EPB41L1: variants seen among roughly 807,000 people sequenced by gnomAD.
EPB41L1 encodes the protein band 4.1-like protein 1.
Under a neutral mutation model 97.8 loss-of-function variants are expected in EPB41L1, and 29 were observed. The ratio of observed to expected loss-of-function variants is 0.30; its 90% CI spans 0.22 to 0.40. EPB41L1 has a LOEUF of 0.40. EPB41L1 is among the 10% of genes least tolerant of loss of function. The pLI is 1.00. For synonymous variants in EPB41L1, 383 were observed against 459.2 expected (o/e 0.83, Z 2.12); for missense variants, 812 against 1,162.3 (o/e 0.70, Z 4.38).
intron 17 of EPB41L1, among the ~76,000 whole-genome samples, chr20:36,215,861 T>C (rs1601032329): frequency 1.3e-5 from 2 of 152,330 alleles, no homozygotes; most frequent in East Asian, 3.9e-4. Flanking sequence ...GCTGTGACCC[T>C]GTATTTAGGT....
intron 2 of EPB41L1, among the ~76,000 whole-genome samples, chr20:36,116,374 C>T (rs2058584694): frequency 6.6e-6 from 1 of 152,154 alleles, no homozygotes; most frequent in South Asian, 2.1e-4. Flanking sequence ...TCAGGCCCCA[C>T]AGAAGGTGCC....
chr20:36,209,225 G>A lies in EPB41L1; in HGVS notation c.1669-263G>A, dbSNP rs1318715123. 1.3e-5 allele frequency among the ~76,000 whole-genome samples: 2 copies of A among 152,176 alleles called. No homozygotes were observed. The highest frequency in any genetic ancestry group is 2.9e-5 in the Non-Finnish European group (2 of 68,032). ...CCTCCTGTCCAGGAGTCACTGGCAG[G>A]ACGTTTGCTTTGTACTTGCTTTTGC... is the stretch of plus-strand genomic sequence containing the variant. On this transcript the variant is annotated intron_variant, in intron 14 of 21. Transcript: ENST00000338074. The surrounding 1 kb of genome is among the most constrained non-coding windows in gnomAD (Gnocchi z 4.2).
intron 2 of EPB41L1, among the ~76,000 whole-genome samples, chr20:36,138,469 G>A (rs1165214738): frequency 6.6e-6 from 1 of 151,810 alleles, no homozygotes; most frequent in Non-Finnish European, 1.5e-5. Flanking sequence ...CACCATGTTG[G>A]CCAGGCTGGT....
rs764006055 is a variant in EPB41L1 at position 36,207,726 on chromosome 20, C to T, written c.1669-1762C>T. On this transcript the variant is annotated intron_variant, in intron 14 of 21. Transcript: ENST00000338074. The surrounding 1 kb of genome is among the most constrained non-coding windows in gnomAD (Gnocchi z 4.9). ...AGGAAGCACACACGGAACTAGAGCCCGTGTCCCCCAATTCAGGCTGTGAAA... is the reference window on the plus strand; with the variant it reads ...AGGAAGCACACACGGAACTAGAGCCTGTGTCCCCCAATTCAGGCTGTGAAA... 158 of 1,289,868 alleles carry T rather than the reference C, an allele frequency of 1.2e-4. 1 individual carries two copies. The South Asian group carries it at 1.4e-3, about 12-fold the overall frequency. 79.9% of individuals were successfully genotyped at this position (1,289,868 alleles called of 1,614,324 possible).
At chr20:36,112,832 G>A (rs62213174) in intron 2 of EPB41L1, among the ~76,000 whole-genome samples, 41 of 152,334 alleles carry the variant, frequency 2.7e-4, no homozygotes, top group East Asian at 3.9e-4. Context: ...CTCCTAGGTC[G>A]TAGACTAGAT....
chr20:36,185,380 G>T, intron 7 of EPB41L1, 45 bp downstream of exon 7: 1 of 1,565,186 alleles, frequency 6.4e-7, no homozygotes, highest in South Asian at 1.1e-5. Flanking sequence ...CTTGGCCAGT[G>T]GGAGCCTTCC....
At position 36,178,666 on chromosome 20, in the gene EPB41L1, A is replaced by G; in HGVS notation, c.484A>G (p.Ile162Val). The G allele has an allele frequency of 6.2e-7, 1 of 1,614,108 alleles. No individual in the cohort carries two copies. The highest frequency in any genetic ancestry group is 8.5e-7 in the Non-Finnish European group (1 of 1,179,984). The change falls in exon 5 of 22, where the codon ATC (isoleucine) becomes GTC (valine). Residue 162 changes from isoleucine (I) to valine (V), a missense_variant. By Grantham distance (29) the Ile-to-Val change is conservative. This residue lies in a region of EPB41L1 where 230 missense variants were observed against 445.2 expected (regional missense o/e 0.52). Coordinates refer to ENST00000338074, the MANE Select transcript of EPB41L1 (RefSeq NM_012156.2). Reference sequence around the variant, plus strand: ...CCCCTCCAAGGAGATCAAGAAGCAGATCCGGAGTGAGTGGCTTGTTGTGTT... The same window carrying G: ...CCCCTCCAAGGAGATCAAGAAGCAGGTCCGGAGTGAGTGGCTTGTTGTGTT... ...LDPSKEIKKQ[I>V]RSSPWNFAFT...
chr20:36,148,581 A>T (rs2059926320), intron 2 of EPB41L1: 1 of 152,276 alleles, frequency 6.6e-6, no homozygotes, highest in Non-Finnish European at 1.5e-5. Flanking sequence ...TTGCTTCATC[A>T]GAGAATGAGG....
chr20:36,226,114 G>C (rs1418576345), intron 21 of EPB41L1, among the ~76,000 whole-genome samples: 1 of 152,102 alleles, frequency 6.6e-6, no homozygotes, highest in Admixed American at 6.5e-5. Context: ...AATACAGTCA[G>C]ACTCACTAAT....
chr20:36,147,930 C>G (rs986822654), intron 2 of EPB41L1, among the ~76,000 whole-genome samples: 1 of 152,120 alleles, frequency 6.6e-6, no homozygotes, highest in Admixed American at 6.6e-5. Flanking sequence ...GTTCTGGCCT[C>G]AGGAATGTGG....
At chr20:36,151,500 C>A (rs1024556127), upstream of EPB41L1, 2 of 152,202 alleles carry the variant, frequency 1.3e-5, no homozygotes, top group African/African-American at 4.8e-5. Context: ...AACTGAGGAA[C>A]CCCTTTTTTG....
intron 1 of EPB41L1, among the ~76,000 whole-genome samples, chr20:36,109,513 GAC>G (rs1230302044): frequency 6.6e-6 from 1 of 152,168 alleles, no homozygotes. Flanking sequence ...CTGTTGCCAC[GAC>G]AGTACTGTTG....
intron 2 of EPB41L1, among the ~76,000 whole-genome samples, chr20:36,133,104 G>A (rs1325612871): frequency 6.6e-6 from 1 of 152,278 alleles, no homozygotes; most frequent in Non-Finnish European, 1.5e-5. Flanking sequence ...TGTAGCTGGT[G>A]AGAGGGCCCG....
intron 19 of EPB41L1, 129 bp from the exon 20 acceptor site, chr20:36,221,735 G>A: frequency 5.0e-6 from 4 of 804,048 alleles, no homozygotes; most frequent in Non-Finnish European, 8.6e-6. Flanking sequence ...AAAAATCTGA[G>A]GAAGTCAGGA....
chr20:36,200,050 C>G (rs935809125), intron 14 of EPB41L1, among the ~76,000 whole-genome samples: 2 of 152,166 alleles, frequency 1.3e-5, no homozygotes, highest in Non-Finnish European at 1.5e-5. Context: ...GGAGCTCACC[C>G]TGGAGCTATG....
Position 36,207,094 on chromosome 20 carries a change from TC to T in EPB41L1, c.1669-2390del. The T allele has an allele frequency of 2.3e-6, 3 of 1,288,898 alleles. No homozygotes were observed. The highest frequency in any genetic ancestry group is 3.0e-6 in the Non-Finnish European group (3 of 988,178). The allele number at this position is 1,288,898 out of a possible 1,614,324, so 79.8% of individuals were successfully genotyped here. A position where few individuals can be genotyped will look rare whatever the true frequency, so the allele number is the denominator to read the frequency against. On this transcript the variant is annotated intron_variant, in intron 14 of 21. Coordinates refer to ENST00000338074, the MANE Select transcript of EPB41L1 (RefSeq NM_012156.2). The surrounding 1 kb of genome is among the most constrained non-coding windows in gnomAD (Gnocchi z 4.9). ...GGAGGTGATCATTCCCCTGCCAGCC[TC>T]CCCTGGTCATTCTGAGGACCTGGCA...
intron 14 of EPB41L1, among the ~76,000 whole-genome samples, chr20:36,201,672 G>T (rs1259366891): frequency 2.0e-5 from 3 of 152,164 alleles, no homozygotes; most frequent in African/African-American, 7.2e-5. Flanking sequence ...AAATGAGGAG[G>T]CCATTGCTTC....
chr20:36,159,869 A>G (rs369430336), intron 1 of EPB41L1, among the ~76,000 whole-genome samples: 1 of 152,202 alleles, frequency 6.6e-6, no homozygotes, highest in Non-Finnish European at 1.5e-5. Flanking sequence ...CAAGTTAATT[A>G]ATCTTTCAAA....
intron 2 of EPB41L1, among the ~76,000 whole-genome samples, chr20:36,138,281 T>G (rs2059495524): frequency 6.7e-6 from 1 of 148,334 alleles, no homozygotes; most frequent in South Asian, 2.1e-4. Context: ...TTTTTTTTTT[T>G]GAGACAAGAG....
Sources: allele counts gnomAD v4.1 joint callset (sites outside exome capture counted in the v4.1 genomes callset), GRCh38; gene constraint gnomAD v4.1.1; regional missense constraint gnomAD v4.1.1; non-coding constraint Gnocchi (gnomAD v3.1); transcripts MANE v1.5; gene names NCBI Gene and HGNC (gene_info 2026-07-23, HGNC 2026-07-21).